Variants in GABRA4 observed in about 807,000 individuals in gnomAD.
GABRA4 encodes gamma-aminobutyric acid type A receptor subunit alpha4, also known as gamma-aminobutyric acid receptor subunit alpha-4.
In GABRA4, 12 loss-of-function variants were observed where a neutral mutation model predicts 49.7. The observed-to-expected ratio is 0.24, with a 90% confidence interval of 0.15 to 0.39. The LOEUF (loss-of-function observed/expected upper bound fraction) is 0.39. Among genes scored for constraint, GABRA4 ranks in the 10% least tolerant of loss-of-function variants. The pLI is 1.00. For missense variants in GABRA4, 506 were observed against 686.0 expected (o/e 0.74, Z 2.93); for synonymous variants, 288 against 240.2 (o/e 1.20, Z -1.84).
At chr4:46,932,867 A>G (rs919100501) in intron 8 of GABRA4, among the ~76,000 whole-genome samples, 5 of 152,096 alleles carry the variant, frequency 3.3e-5, no homozygotes, top group Admixed American at 6.6e-5. Context: ...AATTGAACCA[A>G]TCTTGGAGAC....
At position 46,977,481 on chromosome 4, in the gene GABRA4, G is replaced by A; in HGVS notation, c.423C>T (p.Val141=). The change falls in exon 4 of 9, where the codon GTC becomes GTT. Residue 141 remains valine, a synonymous_variant. Transcript: ENST00000264318. The part of the protein sequence containing the change: ...DTFFRNGKKS[V]SHNMTAPNKL... The stretch of plus-strand genomic sequence containing the variant: ...TATTTGGAGCTGTCATATTATGTGA[G>A]ACAGATTTCTTTCCATTCCTGAAGA... The A allele has an allele frequency of 2.5e-6, 4 of 1,611,570 alleles. No individual in the cohort carries two copies. Among genetic ancestry groups the A allele is most frequent in the East Asian group, 4.5e-5 (2 of 44,790 alleles).
intron 8 of GABRA4, among the ~76,000 whole-genome samples, chr4:46,931,973 T>C (rs17599158): frequency 0.24 from 36,989 of 152,126 alleles, 4,702 homozygotes; most frequent in East Asian, 0.29. Context: ...TAAATATTAA[T>C]TGTGTGTACC....
intron 8 of GABRA4, among the ~76,000 whole-genome samples, chr4:46,952,002 TA>T (rs1189271256): frequency 6.6e-6 from 1 of 151,934 alleles, no homozygotes; most frequent in Non-Finnish European, 1.5e-5. Flanking sequence ...AAAAAGCAAT[TA>T]AAAGTATTTA....
chr4:46,968,617 T>C (rs1291017375), intron 7 of GABRA4, among the ~76,000 whole-genome samples: 1 of 151,668 alleles, frequency 6.6e-6, no homozygotes, highest in Non-Finnish European at 1.5e-5. Flanking sequence ...GCTGAGTAAT[T>C]ATTAAGGTTA....
chr4:46,967,232 T>C (rs1722794475), intron 7 of GABRA4, among the ~76,000 whole-genome samples: 1 of 151,600 alleles, frequency 6.6e-6, no homozygotes, highest in Non-Finnish European at 1.5e-5. Flanking sequence ...ATATGAACAG[T>C]GCAGTATAAA....
At position 46,967,404 on chromosome 4, in the gene GABRA4, G is replaced by C. The variant is rs147005706; in HGVS notation, c.875-2175C>G. 6.6e-5 allele frequency among the ~76,000 whole-genome samples: 10 copies of C among 150,712 alleles called. No individual in the cohort carries two copies. The East Asian group carries it at 1.4e-3, about 21-fold the overall frequency. On this transcript the variant is annotated intron_variant, in intron 7 of 8. Transcript: ENST00000264318. The stretch of plus-strand genomic sequence containing the variant: ...ATTTTTCTTGGTGATCAGAAGTAGT[G>C]TTCTTCATCTTCTCCTCTTATCATG...
rs545481177 is a variant in GABRA4, at chr4:46,928,111, G to T, written c.*114C>A. 87 of 937,140 alleles carry T rather than the reference G, an allele frequency of 9.3e-5. No individual in the cohort carries two copies. In the African/African-American group the frequency reaches 1.2e-3, roughly 13 times the overall value. 58.1% of individuals were successfully genotyped at this position (937,140 alleles called of 1,614,324 possible). On this transcript the variant is annotated 3_prime_UTR_variant, in exon 9 of 9. Transcript: ENST00000264318. ...AATAACTGGCTTATATCTTTAAATG[G>T]AAAAATTACACAGAGTTTTTATTTT...
intron 7 of GABRA4, among the ~76,000 whole-genome samples, chr4:46,965,476 T>C (rs532980709): frequency 7.9e-5 from 12 of 151,958 alleles, no homozygotes; most frequent in East Asian, 2.0e-4. Context: ...ATGTCCTGCC[T>C]TGAGTTTGGA....
At chr4:46,953,721 C>A (rs570144263) in intron 8 of GABRA4, among the ~76,000 whole-genome samples, 1 of 152,192 alleles carries the variant, frequency 6.6e-6, no homozygotes, top group Admixed American at 6.5e-5. Flanking sequence ...AAACCACTGA[C>A]TAAGGGTATG....
chr4:46,946,466 A>C (rs1721985589), intron 8 of GABRA4, among the ~76,000 whole-genome samples: 1 of 152,094 alleles, frequency 6.6e-6, no homozygotes, highest in African/African-American at 2.4e-5. Flanking sequence ...AAACAGCATT[A>C]TGAGAATTGT....
intron 8 of GABRA4, among the ~76,000 whole-genome samples, chr4:46,953,111 A>G (rs1722229718): frequency 6.6e-6 from 1 of 152,178 alleles, no homozygotes; most frequent in African/African-American, 2.4e-5. Flanking sequence ...TAAATTAGAT[A>G]GCAATTCTAG....
rs1721218060 is a variant in GABRA4 at position 46,926,066 on chromosome 4, C to T, written c.*2159G>A. On this transcript the variant is annotated 3_prime_UTR_variant, in exon 9 of 9. Transcript: ENST00000264318. The stretch of plus-strand genomic sequence containing the variant: ...ATAGATTAGCAAAGAGTAAGAGTTC[C>T]TCACCAAAAACAACAACAACAACAA... The T allele has an allele frequency of 7.4e-6, 1 of 135,484 alleles. No individual in the cohort carries two copies. The highest frequency in any genetic ancestry group is 1.6e-5 in the Non-Finnish European group (1 of 62,604). The allele number at this position is 135,484 out of a possible 1,614,324, so 8.4% of individuals were successfully genotyped here.
At position 46,992,955 on chromosome 4, in the gene GABRA4, G is replaced by GAAAAAA. The variant is rs3215202; in HGVS notation, c.87-15_87-10dup. Reference sequence around the variant, plus strand: ...CTGGGGATTCGTTTAAACTGCAAGCGAAAAAAAAAAAACCGGGGGCGGAGG... The same window carrying GAAAAAA: ...CTGGGGATTCGTTTAAACTGCAAGCGAAAAAAAAAAAAAAAAAACCGGGGGCGGAGG... On this transcript the variant is annotated splice_polypyrimidine_tract_variant and intron_variant, in intron 1 of 8. Transcript: ENST00000264318. 1 of 1,301,044 alleles carries GAAAAAA rather than the reference G, an allele frequency of 7.7e-7. No individual in the cohort carries two copies. 80.6% of individuals were successfully genotyped at this position (1,301,044 alleles called of 1,614,324 possible).
intron 2 of GABRA4, among the ~76,000 whole-genome samples, chr4:46,986,048 C>A (rs978546731): frequency 6.6e-6 from 1 of 151,968 alleles, no homozygotes; most frequent in Non-Finnish European, 1.5e-5. Flanking sequence ...ATCAACGGTA[C>A]CTCTGATTCT....
At chr4:46,932,734 C>T (rs951957535) in intron 8 of GABRA4, among the ~76,000 whole-genome samples, 5 of 152,120 alleles carry the variant, frequency 3.3e-5, no homozygotes, top group Non-Finnish European at 7.4e-5. Context: ...ACATTAAGCA[C>T]TTCTGTATTT....
At chr4:46,948,219 A>G (rs192340687) in intron 8 of GABRA4, among the ~76,000 whole-genome samples, 33 of 152,236 alleles carry the variant, frequency 2.2e-4, no homozygotes, top group Non-Finnish European at 4.1e-4. Context: ...GGTGATCTGA[A>G]AAAATCTTAA....
intron 8 of GABRA4, among the ~76,000 whole-genome samples, chr4:46,932,433 A>G (rs1414223810): frequency 2.0e-5 from 3 of 152,136 alleles, no homozygotes; most frequent in Non-Finnish European, 4.4e-5. Flanking sequence ...GAACTTAACA[A>G]GCTGCACATA....
At chr4:46,965,255 A>G (rs1353924371) in intron 7 of GABRA4, 26 bp from the exon 8 acceptor site, 1 of 1,396,542 alleles carries the variant, frequency 7.2e-7, no homozygotes, top group Middle Eastern at 1.9e-4. Context: ...GCAGAGAGAC[A>G]AAACACCTTA....
At chr4:46,942,981 T>A (rs1721867856) in intron 8 of GABRA4, among the ~76,000 whole-genome samples, 1 of 151,910 alleles carries the variant, frequency 6.6e-6, no homozygotes, top group Non-Finnish European at 1.5e-5. Flanking sequence ...TATCCTAGAG[T>A]CATACCAAAC....
Sources: gnomAD v4.1 joint callset for allele counts (sites outside exome capture counted in the v4.1 genomes callset) on GRCh38, gnomAD v4.1.1 for gene constraint, MANE v1.5 for transcripts, NCBI Gene and HGNC (gene_info 2026-07-23, HGNC 2026-07-21) for gene names.